The following CD8A variants were observed in gnomAD, a reference collection of about 807,000 sequenced individuals.
CD8A encodes the protein CD8 subunit alpha.
CD8A carries 25 observed loss-of-function variants against 24.2 expected under a neutral mutation model. The ratio of observed to expected loss-of-function variants is 1.03; its 90% CI spans 0.75 to 1.44. CD8A has a LOEUF of 1.44. Ranked by LOEUF, CD8A falls within the 40% of genes most tolerant of loss-of-function variation. CD8A has a pLI of 0.00. For missense variants in CD8A, 360 were observed against 319.7 expected, an observed-to-expected ratio of 1.13 and a Z score of -0.96; for synonymous variants, 165 against 149.9, an observed-to-expected ratio of 1.10 and a Z score of -0.74.
At position 86,789,897 on chromosome 2, in the gene CD8A, G is replaced by C. The variant is rs1042090698; in HGVS notation, c.404-147C>G. 8.9e-6 allele frequency: 5 copies of C among 564,578 alleles called. No homozygotes were observed. The African/African-American group carries it at 9.8e-5, about 11-fold the overall frequency. 35.0% of individuals were successfully genotyped at this position (564,578 alleles called of 1,614,324 possible). ...GCAGAGGAGACAGGATGGGGACCCC[G>C]GGATGCGCGCGGACCCCTGTGCTCG... On this transcript the variant is annotated intron_variant, in intron 2 of 5. Transcript: ENST00000283635.
Position 86,786,712 on chromosome 2 carries a change from C to A in CD8A, c.657-741G>T, listed in dbSNP as rs930593238. 2.6e-5 allele frequency among the ~76,000 whole-genome samples: 4 copies of A among 152,082 alleles called. No individual in the cohort carries two copies. The East Asian group carries it at 7.7e-4, about 29-fold the overall frequency. On this transcript the variant is annotated intron_variant, in intron 5 of 5. Transcript: ENST00000283635. ...CCTTCTGCAAAAGTTCCAAAGTGCA[C>A]CCTGAATAATAAAAATGCTAAAAAC...
chr2:86,793,610 G>T (rs567327644), upstream of CD8A, among the ~76,000 whole-genome samples: 1 of 152,324 alleles, frequency 6.6e-6, no homozygotes, highest in African/African-American at 2.4e-5. Flanking sequence ...GTGTCAAATG[G>T]CCCTGCTGGC....
At chr2:86,797,288 T>C (rs1304209292) in intron 3 of CD8A, among the ~76,000 whole-genome samples, 1 of 151,944 alleles carries the variant, frequency 6.6e-6, no homozygotes, top group African/African-American at 2.4e-5. Flanking sequence ...GGAAAGAACA[T>C]ACAGAAGAGT....
In CD8A at chr2:86,790,765, T is replaced by A; in HGVS notation, c.49+12A>T. 9.7e-7 allele frequency: 1 copy of A among 1,035,238 alleles called. No individual in the cohort carries two copies. The highest frequency in any genetic ancestry group is 1.3e-5 in the South Asian group (1 of 75,418). 64.1% of individuals were successfully genotyped at this position (1,035,238 alleles called of 1,614,324 possible). The stretch of plus-strand genomic sequence containing the variant: ...GCCCCATCCCCTGCCTTCCCGGGCG[T>A]CTCAAACTCACGGAGCAGCAAGGCC... On this transcript the variant is annotated intron_variant, in intron 1 of 5. Coordinates refer to ENST00000283635, the MANE Select transcript of CD8A (RefSeq NM_001768.7).
chr2:86,800,795 C>G (rs1673646993), intron 3 of CD8A, among the ~76,000 whole-genome samples: 1 of 152,144 alleles, frequency 6.6e-6, no homozygotes, highest in Non-Finnish European at 1.5e-5. Context: ...TTGTGTCCCC[C>G]CAAGTATATT....
chr2:86,791,037 G>A (rs1236112901), upstream of CD8A: 3 of 712,596 alleles, frequency 4.2e-6, no homozygotes, highest in East Asian at 2.7e-5. Flanking sequence ...CGAGGAGGCT[G>A]GGGCCCGTGA....
intron 3 of CD8A, among the ~76,000 whole-genome samples, chr2:86,799,955 A>G (rs1316815189): frequency 2.0e-5 from 3 of 150,182 alleles, no homozygotes; most frequent in Non-Finnish European, 3.0e-5. Flanking sequence ...TTTTTTTTTA[A>G]CAGAAATTAA....
In CD8A at chr2:86,790,869, A is replaced by T; in HGVS notation, c.-44T>A. 6.5e-7 allele frequency: 1 copy of T among 1,530,090 alleles called. No homozygotes were observed. Among genetic ancestry groups the T allele is most frequent in the Non-Finnish European group, 8.8e-7 (1 of 1,141,130 alleles). The allele number at this position is 1,530,090 out of a possible 1,614,324, so 94.8% of individuals were successfully genotyped here. ...CTGCTTGGCTCGAAGCTCGGGCGCG[A>T]GGGGAGGCGCGCGGGAGCCGGTGGG... On this transcript the variant is annotated 5_prime_UTR_variant, in exon 1 of 6. Transcript: ENST00000283635.
chr2:86,798,597 A>C (rs1467679157), intron 3 of CD8A, among the ~76,000 whole-genome samples: 1 of 151,184 alleles, frequency 6.6e-6, no homozygotes, highest in East Asian at 1.9e-4. Context: ...ATCTCATCTC[A>C]CTGCAACCTT....
chr2:86,789,343 A>C lies in CD8A; in HGVS notation c.605T>G (p.Ile202Ser). 6.2e-7 allele frequency: 1 copy of C among 1,610,786 alleles called. No individual in the cohort carries two copies. The part of the protein sequence containing the change: ...TCGVLLLSLV[I>S]TLYCNHRNRR... The stretch of plus-strand genomic sequence containing the variant: ...CTTACTGTGGTTGCAGTAAAGGGTG[A>C]TAACCAGTGACAGGAGAAGGACCCC... The change falls in exon 4 of 6, where the codon ATC becomes AGC. Residue 202 changes from isoleucine to serine, a missense_variant. Transcript: ENST00000283635.
rs146175810 is a variant in CD8A, at chr2:86,790,374, G to T, written c.357C>A (p.Ser119Arg). Residue 119 changes from serine (S) to arginine (R), a missense_variant, in exon 2 of 6, where the codon AGC becomes AGA. By Grantham distance (110) the Ser-to-Arg change is moderately radical. Coordinates refer to ENST00000283635, the MANE Select transcript of CD8A (RefSeq NM_001768.7). ...AGTGGCTGAAGTACATGATGGAGTT[G>T]CTCAGGGCCGAGCAGAAATAGTAGC... Reference protein sequence around the residue: ...NEGYYFCSALSNSIMYFSHFV... With the variant: ...NEGYYFCSALRNSIMYFSHFV... 4 of 1,613,984 alleles carry T rather than the reference G, an allele frequency of 2.5e-6. No homozygotes were observed. Among genetic ancestry groups the T allele is most frequent in the South Asian group, 2.2e-5 (2 of 91,080 alleles).
chr2:86,787,898 A>AGAGAGAGTGTGTGTGTGTGTGTGT (rs369993109), intron 5 of CD8A, among the ~76,000 whole-genome samples: 132 of 144,590 alleles, frequency 9.1e-4, no homozygotes, highest in Middle Eastern at 3.5e-3. Flanking sequence ...AGAGAGAGAG[A>AGAGAGAGTGTGTGTGTGTGTGTGT]GTGTGTGTGT....
Position 86,785,135 on chromosome 2 carries a change from C to T in CD8A, c.*785G>A, listed in dbSNP as rs1039748632. The T allele has an allele frequency of 4.4e-6, 2 of 453,944 alleles. No homozygotes were observed. Among genetic ancestry groups the T allele is most frequent in the African/African-American group, 4.0e-5 (2 of 49,984 alleles). 28.1% of individuals were successfully genotyped at this position (453,944 alleles called of 1,614,324 possible). On this transcript the variant is annotated 3_prime_UTR_variant, in exon 6 of 6. Transcript: ENST00000283635. ...CTGTCCTCTTTCATGGGCCCCTCTG[C>T]AATGCAAGGGCTGGGAGAGCAATTC...
intron 5 of CD8A, among the ~76,000 whole-genome samples, chr2:86,787,019 CAAAAAAAAA>C (rs745778659): frequency 2.7e-5 from 1 of 36,562 alleles, no homozygotes; most frequent in Non-Finnish European, 4.6e-5. Flanking sequence ...GACTCCGTCT[CAAAAAAAAA>C]AAAAAAAAAA....
chr2:86,793,334 G>A (rs1171628312), upstream of CD8A, among the ~76,000 whole-genome samples: 1 of 152,212 alleles, frequency 6.6e-6, no homozygotes, highest in African/African-American at 2.4e-5. Context: ...ACCAGTACCT[G>A]CAGCTTTTTC....
chr2:86,785,572 C>T lies in CD8A; in HGVS notation c.*348G>A. The T allele has an allele frequency of 1.9e-6, 1 of 517,174 alleles. No homozygotes were observed. The highest frequency in any genetic ancestry group is 3.7e-6 in the Non-Finnish European group (1 of 268,208). 32.0% of individuals were successfully genotyped at this position (517,174 alleles called of 1,614,324 possible). Reference sequence around the variant, plus strand: ...AGCTGTCTCTGGGCTTTAGCCTCCCCCTTTGTAAAACGGGCGGGGAAGAGG... The same window carrying T: ...AGCTGTCTCTGGGCTTTAGCCTCCCTCTTTGTAAAACGGGCGGGGAAGAGG... On this transcript the variant is annotated 3_prime_UTR_variant, in exon 6 of 6. Transcript: ENST00000283635.
upstream of CD8A, among the ~76,000 whole-genome samples, chr2:86,795,796 TG>T (rs1673463567): frequency 6.6e-6 from 1 of 152,116 alleles, no homozygotes; most frequent in South Asian, 2.1e-4. Context: ...CTGTGGGCCC[TG>T]GAAAGTCAGA....
rs115235600 is a variant in CD8A at position 86,788,295 on chromosome 2, A to C, written c.656+235T>G. Among the ~76,000 whole-genome samples the C allele has an allele frequency of 4.5e-3, 523 of 116,932 alleles. 4 individuals carry two copies. The highest frequency in any genetic ancestry group is 0.017 in the African/African-American group (478 of 28,832). The allele number at this position is 116,932 out of a possible 152,430, so 76.7% of individuals were successfully genotyped here. ...GCCAGGTCAAATAAGATGGAGATTT[A>C]CTGGAGTCACACTGCTGTTGGCACC... On this transcript the variant is annotated intron_variant, in intron 5 of 5. Coordinates refer to ENST00000283635, the MANE Select transcript of CD8A (RefSeq NM_001768.7).
At chr2:86,788,581 GA>G in intron 4 of CD8A, 21 bp from the exon 5 acceptor site, 2 of 1,609,096 alleles carry the variant, frequency 1.2e-6, no homozygotes, top group Admixed American at 1.7e-5. Context: ...AAAAAGAAGG[GA>G]AAAAGTGAGT....
Sources: gnomAD v4.1 joint callset for allele counts (sites outside exome capture counted in the v4.1 genomes callset) on GRCh38, gnomAD v4.1.1 for gene constraint, MANE v1.5 for transcripts, NCBI Gene and HGNC (gene_info 2026-07-23, HGNC 2026-07-21) for gene names.